Variants in GALNT17 observed in about 807,000 individuals in gnomAD.
GALNT17 encodes the protein UDP-GalNAc:polypeptide N-acetylgalactosaminyltransferase-like 3.
A neutral mutation model predicts 63.7 loss-of-function variants in GALNT17; 29 were observed. The observed-to-expected ratio is 0.46, with a 90% CI of 0.34 to 0.62. The LOEUF is 0.62. Ranked by LOEUF, GALNT17 falls within the 20% of genes least tolerant of loss-of-function variation. The probability of loss-of-function intolerance (pLI) is 0.01; values close to 1 mark genes in which losing one functional copy is unlikely to be tolerated. For synonymous variants in GALNT17, 305 were observed against 318.3 expected, an observed-to-expected ratio of 0.96 and a Z score of 0.45; for missense variants, 603 against 799.6, an observed-to-expected ratio of 0.75 and a Z score of 2.97.
At chr7:71,533,860 C>T (rs1266334356) in intron 5 of GALNT17, among the ~76,000 whole-genome samples, 7 of 151,998 alleles carry the variant, frequency 4.6e-5, no homozygotes, top group Non-Finnish European at 7.4e-5. Context: ...GTTTACATAG[C>T]GAAGAATTAG....
intron 2 of GALNT17, among the ~76,000 whole-genome samples, chr7:71,375,910 T>C (rs1033131174): frequency 6.6e-6 from 1 of 152,116 alleles, no homozygotes. Flanking sequence ...AAACCCCGAC[T>C]GTACTGAAAC....
intron 3 of GALNT17, among the ~76,000 whole-genome samples, chr7:71,399,741 G>T (rs1793207952): frequency 6.6e-6 from 1 of 152,116 alleles, no homozygotes; most frequent in South Asian, 2.1e-4. Context: ...GTCACATGAA[G>T]AGTATATGAA....
intron 7 of GALNT17, among the ~76,000 whole-genome samples, chr7:71,669,678 C>T (rs1791038874): frequency 6.6e-6 from 1 of 151,198 alleles, no homozygotes; most frequent in African/African-American, 2.4e-5. Context: ...TCTCGTGCCT[C>T]AGCCTCCTGA....
intron 1 of GALNT17, among the ~76,000 whole-genome samples, chr7:71,238,839 G>T (rs1789942351): frequency 6.6e-6 from 1 of 152,144 alleles, no homozygotes; most frequent in Non-Finnish European, 1.5e-5. Context: ...GACCATGTGT[G>T]CCACTTCTGA....
chr7:71,496,737 C>G (rs1280501845), intron 5 of GALNT17, among the ~76,000 whole-genome samples: 6 of 150,436 alleles, frequency 4.0e-5, no homozygotes, highest in African/African-American at 1.5e-4. Flanking sequence ...TCAATTGAAC[C>G]GGCCTAAATA....
Position 71,542,661 on chromosome 7 carries a change from A to G in GALNT17, c.963-28624A>G, listed in dbSNP as rs147486749. 4.7e-4 allele frequency among the ~76,000 whole-genome samples: 68 copies of G among 144,238 alleles called. No homozygotes were observed. The East Asian group carries it at 0.013, about 28-fold the overall frequency. 94.6% of individuals were successfully genotyped at this position (144,238 alleles called of 152,430 possible). On this transcript the variant is annotated intron_variant, in intron 5 of 10. Transcript: ENST00000333538. Reference sequence around the variant, plus strand: ...CAGTGAGCCGAGATGGCATCACTGTACTCCAGCCTGAGCGACAGAGTGAGA... The same window carrying G: ...CAGTGAGCCGAGATGGCATCACTGTGCTCCAGCCTGAGCGACAGAGTGAGA...
At chr7:71,310,774 C>A (rs567211530) in intron 1 of GALNT17, among the ~76,000 whole-genome samples, 1 of 152,196 alleles carries the variant, frequency 6.6e-6, no homozygotes, top group Non-Finnish European at 1.5e-5. Flanking sequence ...CACCCAGGTA[C>A]ACCTAGTAAC....
chr7:71,333,975 A>G (rs1791852141), intron 1 of GALNT17, among the ~76,000 whole-genome samples: 1 of 152,186 alleles, frequency 6.6e-6, no homozygotes. Flanking sequence ...AAGATGTGTT[A>G]CACATCAGTG....
At chr7:71,236,302 T>C (rs1789890308) in intron 1 of GALNT17, among the ~76,000 whole-genome samples, 1 of 152,124 alleles carries the variant, frequency 6.6e-6, no homozygotes, top group Non-Finnish European at 1.5e-5. Flanking sequence ...TCTCAGGGTA[T>C]TTTAATTTTC....
At chr7:71,531,584 T>G (rs1290485001) in intron 5 of GALNT17, among the ~76,000 whole-genome samples, 3 of 152,184 alleles carry the variant, frequency 2.0e-5, no homozygotes, top group African/African-American at 7.2e-5. Flanking sequence ...TAAACTCATT[T>G]AAATCTCACA....
chr7:71,156,312 A>C lies in GALNT17; in HGVS notation c.238+23272A>C, dbSNP rs542529706. Among the ~76,000 whole-genome samples the C allele has an allele frequency of 3.0e-4, 46 of 152,036 alleles. 2 individuals are homozygous for C. Among genetic ancestry groups the C allele is most frequent in the African/African-American group, 1.1e-3 (46 of 41,316 alleles). ...GGCTTCCCATGCCTGATGGAGCTAC[A>C]TATTTACTTGGGGAACTTTGGAAAA... On this transcript the variant is annotated intron_variant, in intron 1 of 10. Transcript: ENST00000333538.
chr7:71,298,170 G>A (rs182945905), intron 1 of GALNT17, among the ~76,000 whole-genome samples: 13 of 152,132 alleles, frequency 8.5e-5, no homozygotes, highest in South Asian at 4.2e-4. Context: ...ACAGGCGTGC[G>A]CCACCATGCC....
Position 71,135,239 on chromosome 7 carries a change from A to G in GALNT17, c.238+2199A>G, listed in dbSNP as rs367578783. On this transcript the variant is annotated intron_variant, in intron 1 of 10. Coordinates refer to ENST00000333538, the MANE Select transcript of GALNT17 (RefSeq NM_022479.3). The stretch of plus-strand genomic sequence containing the variant: ...GGAATAATAAAATTCTATAATAATA[A>G]CTGATGGAATTCTTGCTGTGTGCCA... Among the ~76,000 whole-genome samples, 15 of 152,288 alleles carry G rather than the reference A, an allele frequency of 9.8e-5. No individual in the cohort carries two copies. In the South Asian group the frequency reaches 3.1e-3, roughly 32 times the overall value.
intron 3 of GALNT17, among the ~76,000 whole-genome samples, chr7:71,405,669 G>A (rs73362017): frequency 0.038 from 5,790 of 152,182 alleles, 184 homozygotes; most frequent in African/African-American, 0.086. Flanking sequence ...TCTGGTGAGG[G>A]CCTAGTCCTC....
chr7:71,324,408 T>C (rs2116025331), intron 1 of GALNT17, among the ~76,000 whole-genome samples: 1 of 152,178 alleles, frequency 6.6e-6, no homozygotes, highest in South Asian at 2.1e-4. Flanking sequence ...CCTAACACTT[T>C]GGGAGGCTGA....
chr7:71,701,478 C>T (rs1429268821), intron 9 of GALNT17, among the ~76,000 whole-genome samples: 2 of 151,034 alleles, frequency 1.3e-5, no homozygotes, highest in African/African-American at 2.4e-5. Context: ...CAGAGTGAGA[C>T]TCTATCTCAA....
intron 1 of GALNT17, among the ~76,000 whole-genome samples, chr7:71,286,633 A>C (rs774646717): frequency 2.6e-5 from 4 of 151,922 alleles, no homozygotes; most frequent in Non-Finnish European, 5.9e-5. Flanking sequence ...TAATCTGGAG[A>C]CCCACGATCG....
intron 5 of GALNT17, among the ~76,000 whole-genome samples, chr7:71,435,269 TC>T (rs1317823495): frequency 6.6e-6 from 1 of 152,220 alleles, no homozygotes; most frequent in Non-Finnish European, 1.5e-5. Flanking sequence ...GACTCCATCT[TC>T]CTTCTAACCT....
intron 2 of GALNT17, among the ~76,000 whole-genome samples, chr7:71,359,182 C>A (rs1262006939): frequency 6.6e-6 from 1 of 152,194 alleles, no homozygotes; most frequent in Non-Finnish European, 1.5e-5. Flanking sequence ...AGGTTGGATA[C>A]TTTATAAAGA....
Sources: gnomAD v4.1 joint callset for allele counts (sites outside exome capture counted in the v4.1 genomes callset) on GRCh38, gnomAD v4.1.1 for gene constraint, MANE v1.5 for transcripts, NCBI Gene and HGNC (gene_info 2026-07-23, HGNC 2026-07-21) for gene names.